RIOK2: variants seen among roughly 807,000 people sequenced by gnomAD.
The protein encoded by RIOK2 is RIO kinase 2, also known as serine/threonine-protein kinase RIO2.
In RIOK2, 46 loss-of-function variants were observed where a neutral mutation model predicts 62.4. That is an observed-to-expected ratio of 0.74 (90% CI 0.58 to 0.94). The LOEUF (loss-of-function observed/expected upper bound fraction) is 0.94. Among genes scored for constraint, RIOK2 ranks in the 40% least tolerant of loss-of-function variants. The pLI is 0.00. For synonymous variants in RIOK2, 197 were observed against 216.0 expected, an observed-to-expected ratio of 0.91 and a Z score of 0.77; for missense variants, 574 against 658.0, an observed-to-expected ratio of 0.87 and a Z score of 1.40.
intron 6 of RIOK2, 43 bp downstream of exon 6, chr5:97,171,163 A>AAAAAT (rs777124066): frequency 1.5e-6 from 2 of 1,294,356 alleles, no homozygotes; most frequent in Middle Eastern, 5.9e-4. Flanking sequence ...CCGTCTCCAA[A>AAAAAT]AAAATAAAAT....
intron 2 of RIOK2, chr5:97,178,816 T>C (rs1288232543): frequency 3.7e-6 from 2 of 537,498 alleles, no homozygotes; most frequent in Non-Finnish European, 6.6e-6. Flanking sequence ...TCTTCTGCAG[T>C]ACCTACATGC....
At chr5:97,166,188 C>A (rs1301084394) in intron 8 of RIOK2, 2 of 379,614 alleles carry the variant, frequency 5.3e-6, no homozygotes, top group African/African-American at 4.2e-5. Context: ...GCCTCCATAA[C>A]CCCATGGGCT....
intron 5 of RIOK2, among the ~76,000 whole-genome samples, chr5:97,172,103 T>C (rs997436532): frequency 3.9e-5 from 6 of 152,218 alleles, no homozygotes; most frequent in Non-Finnish European, 8.8e-5. Context: ...CCTTGACCTC[T>C]AAATTCTGGA....
chr5:97,177,917 G>T, intron 2 of RIOK2, 69 bp from the exon 3 acceptor site: 2 of 923,672 alleles, frequency 2.2e-6, no homozygotes, highest in Non-Finnish European at 3.4e-6. Context: ...GTAAGTTCAA[G>T]TCATAAGAAA....
rs1050805759 is a variant in RIOK2, at chr5:97,177,804, C to G, written c.250G>C (p.Ala84Pro). ...TGCCTAGAAGAAAGTGTTTTCAAAG[C>G]TAGGTAATCATATCCTGCATTTGTC... ...RLTNAGYDYL[A>P]LKTLSSRQVV... The change falls in exon 3 of 10, where the codon GCT becomes CCT. Residue 84 changes from alanine (A) to proline (P), a missense_variant. Physicochemically the swap from Ala to Pro is conservative, Grantham distance 27 (BLOSUM62 -1). Transcript: ENST00000283109. 1 of 1,613,506 alleles carries G rather than the reference C, an allele frequency of 6.2e-7. No individual in the cohort carries two copies. Among genetic ancestry groups the G allele is most frequent in the Non-Finnish European group, 8.5e-7 (1 of 1,179,700 alleles).
intron 5 of RIOK2, among the ~76,000 whole-genome samples, chr5:97,172,657 T>C (rs992688420): frequency 5.3e-5 from 8 of 152,366 alleles, no homozygotes; most frequent in African/African-American, 1.7e-4. Context: ...AGATCACATC[T>C]CTTCTCTGCT....
chr5:97,169,684 C>T (rs1748945695), intron 6 of RIOK2, among the ~76,000 whole-genome samples: 1 of 152,160 alleles, frequency 6.6e-6, no homozygotes, highest in African/African-American at 2.4e-5. Flanking sequence ...TTTACATCTC[C>T]CTACGAGACA....
chr5:97,178,694 CTGCTCTTCTGCAGTACCTACG>C (rs1561521223), intron 2 of RIOK2: 12 of 247,616 alleles, frequency 4.8e-5, no homozygotes, highest in Admixed American at 3.3e-4. Context: ...AGTACTCTAC[CTGCTCTTCTGCAGTACCTACG>C]TGCTCTTCTG....
At chr5:97,183,007 G>T in intron 1 of RIOK2, 119 bp downstream of exon 1, 1 of 1,088,654 alleles carries the variant, frequency 9.2e-7, no homozygotes, top group Non-Finnish European at 1.4e-6. Flanking sequence ...TCCATTCCCA[G>T]CTTCTGCCAC....
At chr5:97,178,374 C>T (rs1466482155) in intron 2 of RIOK2, among the ~76,000 whole-genome samples, 1 of 151,260 alleles carries the variant, frequency 6.6e-6, no homozygotes, top group East Asian at 1.9e-4. Flanking sequence ...CCTACATGCT[C>T]TTCTGCAGTA....
rs13355130 is a variant in RIOK2 at position 97,177,436 on chromosome 5, G to A, written c.323-145C>T. 7.2e-3 allele frequency: 5,514 copies of A among 769,266 alleles called. 224 individuals are homozygous for A. In the African/African-American group the frequency reaches 0.087, roughly 12 times the overall value. The allele number at this position is 769,266 out of a possible 1,614,324, so 47.7% of individuals were successfully genotyped here. On this transcript the variant is annotated intron_variant, in intron 3 of 9. Transcript: ENST00000283109. ...GTATCCCTCCTTATCCAAAACCTTC[G>A]GACCAGAAGTGTTTTGAATTTTGGA...
At chr5:97,168,047 A>G (rs1030427790) in intron 7 of RIOK2, 56 bp from the exon 8 acceptor site, 53 of 1,481,744 alleles carry the variant, frequency 3.6e-5, no homozygotes, top group Non-Finnish European at 4.3e-5. Context: ...ATCTAAGAGG[A>G]GCAAATATCT....
chr5:97,180,843 C>T (rs1749387829), intron 1 of RIOK2, among the ~76,000 whole-genome samples: 1 of 151,140 alleles, frequency 6.6e-6, no homozygotes, highest in Non-Finnish European at 1.5e-5. Flanking sequence ...AACGGAAAGC[C>T]ACAATTGGAA....
intron 9 of RIOK2, 68 bp downstream of exon 9, chr5:97,164,983 T>A: frequency 9.7e-7 from 1 of 1,035,402 alleles, no homozygotes; most frequent in Non-Finnish European, 1.4e-6. Flanking sequence ...TATTGTTTAA[T>A]GAGACAAGGC....
chr5:97,164,098 C>T (rs1369799278), intron 9 of RIOK2, among the ~76,000 whole-genome samples: 1 of 152,082 alleles, frequency 6.6e-6, no homozygotes. Context: ...TGCTATGTTG[C>T]CCAGGCTGGC....
intron 1 of RIOK2, 82 bp downstream of exon 1, chr5:97,183,044 C>G (rs746526545): frequency 6.9e-7 from 1 of 1,448,536 alleles, no homozygotes; most frequent in Non-Finnish European, 9.7e-7. Flanking sequence ...TGTGCCTGCT[C>G]AGATCCCAGA....
chr5:97,181,089 T>G (rs1031105876), intron 1 of RIOK2, among the ~76,000 whole-genome samples: 1 of 151,778 alleles, frequency 6.6e-6, no homozygotes, highest in African/African-American at 2.4e-5. Flanking sequence ...CTGGCCAACA[T>G]GGTGAAACCC....
chr5:97,173,095 CT>C, intron 5 of RIOK2, 79 bp downstream of exon 5: 2 of 1,004,720 alleles, frequency 2.0e-6, no homozygotes, highest in East Asian at 5.4e-5. Flanking sequence ...ATTTCATTAA[CT>C]AAAAAAAATT....
intron 4 of RIOK2, among the ~76,000 whole-genome samples, chr5:97,175,312 A>G (rs1015681867): frequency 2.0e-5 from 3 of 152,198 alleles, no homozygotes; most frequent in African/African-American, 4.8e-5. Context: ...CATTTTGAGC[A>G]TACCTAGACA....
Sources: allele counts gnomAD v4.1 joint callset (sites outside exome capture counted in the v4.1 genomes callset), GRCh38; gene constraint gnomAD v4.1.1; transcripts MANE v1.5; gene names NCBI Gene and HGNC (gene_info 2026-07-23, HGNC 2026-07-21).